PAK6: variants seen among roughly 807,000 people sequenced by gnomAD.
PAK6 encodes the protein p21 (RAC1) activated kinase 6.
Under a neutral mutation model 60.8 loss-of-function variants are expected in PAK6, and 33 were observed. That is an observed-to-expected ratio of 0.54 (90% CI 0.41 to 0.73). PAK6 has a LOEUF of 0.73. PAK6 is among the 30% of genes least tolerant of loss of function. The pLI is 0.00. For synonymous variants in PAK6, 404 were observed against 378.5 expected, an observed-to-expected ratio of 1.07 and a Z score of -0.78; for missense variants, 845 against 904.1, an observed-to-expected ratio of 0.93 and a Z score of 0.84.
intron 5 of PAK6, among the ~76,000 whole-genome samples, chr15:40,270,826 C>T (rs949569361): frequency 6.6e-6 from 1 of 152,200 alleles, no homozygotes; most frequent in African/African-American, 2.4e-5. Context: ...TGTCGGCCAG[C>T]AGGAGTGCCT....
At chr15:40,273,291 C>A in intron 7 of PAK6, 55 bp from the exon 8 acceptor site, 1 of 1,587,494 alleles carries the variant, frequency 6.3e-7, no homozygotes, top group Non-Finnish European at 8.6e-7. Flanking sequence ...AGCCACCCCA[C>A]GACCTGCCAG....
intron 10 of PAK6, among the ~76,000 whole-genome samples, chr15:40,275,285 T>TTTTTC (rs2039423943): frequency 2.4e-5 from 1 of 41,306 alleles, no homozygotes; most frequent in African/African-American, 6.3e-5. Context: ...TGTTGGTTTT[T>TTTTTC]TTTTTTTTTT....
intron 2 of PAK6, among the ~76,000 whole-genome samples, chr15:40,243,376 T>A (rs1346451406): frequency 6.6e-6 from 1 of 152,154 alleles, no homozygotes; most frequent in Non-Finnish European, 1.5e-5. Flanking sequence ...CTCGGGCAAG[T>A]TACTTCATGT....
At chr15:40,256,326 G>C (rs142421519) in intron 3 of PAK6, among the ~76,000 whole-genome samples, 2 of 152,126 alleles carry the variant, frequency 1.3e-5, no homozygotes, top group Non-Finnish European at 2.9e-5. Flanking sequence ...TCTTCTGTTC[G>C]CGGTAATTCT....
Position 40,240,680 on chromosome 15 carries a change from C to T in PAK6, c.-119C>T, listed in dbSNP as rs1336332739. On this transcript the variant is annotated splice_region_variant and 5_prime_UTR_variant, in exon 2 of 11. It adds an upstream start codon to the 5' untranslated region. Coordinates refer to ENST00000560346, the Ensembl canonical transcript of PAK6. The stretch of plus-strand genomic sequence containing the variant: ...CCCCGCTGCCCAGAAGGAGCAGCCA[C>T]GGTAAGGTCCCCACTGCCGCTGCGT... 1.3e-5 allele frequency: 6 copies of T among 447,796 alleles called. No individual in the cohort carries two copies. The highest frequency in any genetic ancestry group is 8.1e-5 in the African/African-American group (4 of 49,098). The allele number at this position is 447,796 out of a possible 1,614,324, so 27.7% of individuals were successfully genotyped here.
intron 2 of PAK6, among the ~76,000 whole-genome samples, chr15:40,249,237 G>A (rs186175961): frequency 1.5e-4 from 23 of 152,038 alleles, no homozygotes; most frequent in Admixed American, 4.6e-4. Flanking sequence ...CAACAACCCC[G>A]CCTCCTAATA....
At chr15:40,270,063 T>G (rs1411001810) in intron 5 of PAK6, among the ~76,000 whole-genome samples, 1 of 152,132 alleles carries the variant, frequency 6.6e-6, no homozygotes, top group Non-Finnish European at 1.5e-5. Context: ...CCTGGATGGG[T>G]GCCTGGAGAG....
chr15:40,251,606 T>C (rs1000631231), intron 2 of PAK6: 5 of 152,628 alleles, frequency 3.3e-5, no homozygotes, highest in Admixed American at 6.5e-5. Context: ...TCTGTGACAC[T>C]GGCAGTCACC....
intron 9 of PAK6, 21 bp downstream of exon 9, chr15:40,273,697 C>G (rs200514442): frequency 1.6e-5 from 26 of 1,608,776 alleles, no homozygotes; most frequent in Non-Finnish European, 2.2e-5. Flanking sequence ...CCTCCACCCC[C>G]CAGACCTCCC....
intron 3 of PAK6, among the ~76,000 whole-genome samples, chr15:40,257,295 C>A (rs574720152): frequency 6.6e-6 from 1 of 152,378 alleles, no homozygotes; most frequent in South Asian, 2.1e-4. Context: ...CAACGCTGAC[C>A]CCTCCGGGTG....
chr15:40,243,336 C>A (rs1407871142), intron 2 of PAK6, among the ~76,000 whole-genome samples: 1 of 152,120 alleles, frequency 6.6e-6, no homozygotes, highest in East Asian at 1.9e-4. Flanking sequence ...CAGCATGAGC[C>A]TCAGGCCCGG....
At chr15:40,261,109 C>T (rs557441541) in intron 3 of PAK6, among the ~76,000 whole-genome samples, 4 of 151,818 alleles carry the variant, frequency 2.6e-5, no homozygotes, top group Admixed American at 2.0e-4. Flanking sequence ...AGGATGATCT[C>T]TATCTCCTGA....
At chr15:40,274,201 C>T in exon 10 of PAK6, 2 of 1,613,496 alleles carry the variant, frequency 1.2e-6, no homozygotes. Flanking sequence ...AGCCACCGTA[C>T]TTCAGTGACT....
intron 2 of PAK6, among the ~76,000 whole-genome samples, chr15:40,244,529 G>A (rs2038446752): frequency 6.6e-6 from 1 of 151,390 alleles, no homozygotes; most frequent in African/African-American, 2.4e-5. Flanking sequence ...TCCCAAGTAG[G>A]TGGGATTACA....
chr15:40,273,243 A>C (rs2039359560), intron 7 of PAK6, 103 bp from the exon 8 acceptor site: 1 of 1,378,960 alleles, frequency 7.3e-7, no homozygotes, highest in South Asian at 1.3e-5. Flanking sequence ...ATTGCCTGGG[A>C]GCTGTGGGGC....
chr15:40,270,111 G>C (rs549265812), intron 5 of PAK6, among the ~76,000 whole-genome samples: 1 of 152,298 alleles, frequency 6.6e-6, no homozygotes, highest in Non-Finnish European at 1.5e-5. Context: ...AGGCCAGCAG[G>C]CAGCTTCCTT....
intron 2 of PAK6, among the ~76,000 whole-genome samples, chr15:40,244,465 T>C (rs919277898): frequency 6.6e-6 from 1 of 151,412 alleles, no homozygotes; most frequent in Non-Finnish European, 1.5e-5. Flanking sequence ...TGGCACGATC[T>C]TGGCTCTCTG....
chr15:40,265,312 C>G (rs2039092082), intron 4 of PAK6, among the ~76,000 whole-genome samples: 1 of 152,210 alleles, frequency 6.6e-6, no homozygotes. Context: ...ACCTGCAGCC[C>G]CATAGGGACT....
At chr15:40,273,969 T>C (rs896011375) in intron 9 of PAK6, 173 bp from the exon 10 acceptor site, 8 of 758,824 alleles carry the variant, frequency 1.1e-5, no homozygotes, top group African/African-American at 3.5e-5. Context: ...TAGGCAGTGG[T>C]CACTCATGCA....
Sources: allele counts gnomAD v4.1 joint callset (sites outside exome capture counted in the v4.1 genomes callset), GRCh38; gene constraint gnomAD v4.1.1; transcripts MANE v1.5; gene names NCBI Gene and HGNC (gene_info 2026-07-23, HGNC 2026-07-21).